Variants in SPATA13 observed in about 807,000 individuals in gnomAD.
SPATA13 encodes spermatogenesis associated 13.
A neutral mutation model predicts 104.0 loss-of-function variants in SPATA13; 50 were observed. That is an observed-to-expected ratio of 0.48 (90% CI 0.38 to 0.61). SPATA13 has a LOEUF of 0.61. Among genes scored for constraint, SPATA13 ranks in the 20% least tolerant of loss-of-function variants. The pLI is 0.00. For synonymous variants in SPATA13, 606 were observed against 667.5 expected, an observed-to-expected ratio of 0.91 and a Z score of 1.42; for missense variants, 1,524 against 1,690.6, an observed-to-expected ratio of 0.90 and a Z score of 1.73.
At chr13:24,131,361 C>G (rs544856040) in intron 3 of SPATA13, among the ~76,000 whole-genome samples, 2 of 152,148 alleles carry the variant, frequency 1.3e-5, no homozygotes, top group Non-Finnish European at 2.9e-5. Context: ...GGCCAAGGAC[C>G]AGCTGACTTC....
At chr13:24,195,896 G>A (rs1870030137) in intron 1 of SPATA13, among the ~76,000 whole-genome samples, 1 of 152,140 alleles carries the variant, frequency 6.6e-6, no homozygotes, top group South Asian at 2.1e-4. Context: ...TGGATTAATA[G>A]CAACCTCTGT....
chr13:24,229,861 G>T (rs1872163171), intron 2 of SPATA13, among the ~76,000 whole-genome samples: 1 of 152,230 alleles, frequency 6.6e-6, no homozygotes, highest in Admixed American at 6.5e-5. Context: ...AGTTGTACCT[G>T]TGCCCAGATA....
chr13:24,133,214 T>G (rs1238220609), intron 3 of SPATA13, among the ~76,000 whole-genome samples: 1 of 152,076 alleles, frequency 6.6e-6, no homozygotes, highest in Non-Finnish European at 1.5e-5. Flanking sequence ...GAGATCAAAC[T>G]GCCCCACCAC....
chr13:24,252,956 G>A (rs2248119), intron 4 of SPATA13: 38,594 of 151,972 alleles, frequency 0.25, 5,966 homozygotes, highest in African/African-American at 0.44. Flanking sequence ...TCCAGTGAGC[G>A]CTTTGAAAAT....
At chr13:24,026,025 G>A (rs930550409) in intron 3 of SPATA13, among the ~76,000 whole-genome samples, 7 of 151,994 alleles carry the variant, frequency 4.6e-5, no homozygotes, top group East Asian at 1.9e-4. Flanking sequence ...GGCTGGTCTC[G>A]AACTCTGGAC....
intron 3 of SPATA13, among the ~76,000 whole-genome samples, chr13:24,074,054 GATCTTAATTATTTTTA>G (rs1408835715): frequency 3.9e-5 from 6 of 152,150 alleles, no homozygotes; most frequent in African/African-American, 1.4e-4. Context: ...ATACATTTTC[GATCTTAATTATTTTTA>G]AGCATACAGT....
intron 2 of SPATA13, among the ~76,000 whole-genome samples, chr13:23,996,533 G>C (rs1875702688): frequency 6.6e-6 from 1 of 152,178 alleles, no homozygotes. Flanking sequence ...AAAATGAAGT[G>C]ATGTGCAGAA....
upstream of SPATA13, among the ~76,000 whole-genome samples, chr13:24,158,763 C>T (rs1170724957): frequency 3.3e-5 from 5 of 152,188 alleles, no homozygotes; most frequent in African/African-American, 4.8e-5. Context: ...TTTAATTCTC[C>T]ACCCAATGCA....
intron 3 of SPATA13, among the ~76,000 whole-genome samples, chr13:24,069,972 G>C (rs1273418770): frequency 6.6e-6 from 1 of 152,218 alleles, no homozygotes; most frequent in Non-Finnish European, 1.5e-5. Context: ...TCCTATCTGA[G>C]ATGTGGGAGT....
intron 3 of SPATA13, among the ~76,000 whole-genome samples, chr13:24,091,077 A>T (rs900861964): frequency 5.3e-5 from 8 of 152,196 alleles, no homozygotes; most frequent in Non-Finnish European, 1.0e-4. Flanking sequence ...CATGCATTGA[A>T]CTGGTCAGTT....
At chr13:24,014,778 TCA>T (rs1876631846) in intron 2 of SPATA13, among the ~76,000 whole-genome samples, 1 of 152,122 alleles carries the variant, frequency 6.6e-6, no homozygotes. Flanking sequence ...AGGGTGTTAT[TCA>T]CACAAGTTAT....
At chr13:24,140,485 C>G (rs1881727036) in intron 3 of SPATA13, among the ~76,000 whole-genome samples, 1 of 152,142 alleles carries the variant, frequency 6.6e-6, no homozygotes, top group African/African-American at 2.4e-5. Context: ...CTGGGTTAAG[C>G]GATTCTGGAA....
intron 2 of SPATA13, among the ~76,000 whole-genome samples, chr13:24,239,693 TAAAAAA>T (rs55881452): frequency 4.3e-5 from 2 of 46,942 alleles, no homozygotes; most frequent in Admixed American, 7.9e-4. Context: ...AGACCATATC[TAAAAAA>T]AAAAAAAAAA....
chr13:24,026,362 G>T (rs1019118771), intron 3 of SPATA13, among the ~76,000 whole-genome samples: 1 of 152,020 alleles, frequency 6.6e-6, no homozygotes, highest in Non-Finnish European at 1.5e-5. Flanking sequence ...TATTTTGGGG[G>T]TGCACTGGGG....
chr13:24,294,511 C>T (rs1190043475), intron 9 of SPATA13, among the ~76,000 whole-genome samples: 1 of 152,166 alleles, frequency 6.6e-6, no homozygotes, highest in Non-Finnish European at 1.5e-5. Context: ...TGAGTGAAAA[C>T]ATTTTTATTC....
At chr13:24,057,065 T>C (rs1322033340) in intron 3 of SPATA13, among the ~76,000 whole-genome samples, 1 of 151,290 alleles carries the variant, frequency 6.6e-6, no homozygotes, top group Non-Finnish European at 1.5e-5. Context: ...TTCTTTTTTT[T>C]TTTTCTTTTT....
At chr13:24,132,206 G>C (rs1881408750) in intron 3 of SPATA13, among the ~76,000 whole-genome samples, 1 of 152,210 alleles carries the variant, frequency 6.6e-6, no homozygotes, top group Non-Finnish European at 1.5e-5. Flanking sequence ...TAACAGAAGA[G>C]AAATCTAGAA....
chr13:24,032,996 A>T (rs889755253), intron 3 of SPATA13, among the ~76,000 whole-genome samples: 1 of 152,256 alleles, frequency 6.6e-6, no homozygotes, highest in Non-Finnish European at 1.5e-5. Flanking sequence ...TTTGTGTAAT[A>T]CAATACTTTT....
intron 3 of SPATA13, among the ~76,000 whole-genome samples, chr13:24,087,308 A>G (rs1362262593): frequency 6.6e-6 from 1 of 151,788 alleles, no homozygotes; most frequent in Non-Finnish European, 1.5e-5. Flanking sequence ...CCCCCTGCAC[A>G]CTCTGCAAAG....
Sources: gnomAD v4.1 joint callset for allele counts (sites outside exome capture counted in the v4.1 genomes callset) on GRCh38, gnomAD v4.1.1 for gene constraint, MANE v1.5 for transcripts, NCBI Gene and HGNC (gene_info 2026-07-23, HGNC 2026-07-21) for gene names.